Variants in SHISA9 observed in about 807,000 individuals in gnomAD.
SHISA9 encodes the protein shisa family member 9, also known as protein shisa-9.
Under a neutral mutation model 38.0 loss-of-function variants are expected in SHISA9, and 13 were observed. That is an observed-to-expected ratio of 0.34 (90% confidence interval 0.22 to 0.54). The LOEUF (loss-of-function observed/expected upper bound fraction) is 0.54. Ranked by LOEUF, SHISA9 falls within the 20% of genes least tolerant of loss-of-function variation. SHISA9 has a pLI of 0.91. For missense variants in SHISA9, 538 were observed against 575.8 expected (o/e 0.93, Z 0.67); for synonymous variants, 275 against 242.0 (o/e 1.14, Z -1.27).
At chr16:13,024,467 C>G (rs539297103) in intron 2 of SHISA9, among the ~76,000 whole-genome samples, 25 of 152,280 alleles carry the variant, frequency 1.6e-4, no homozygotes, top group African/African-American at 6.0e-4. Flanking sequence ...CTTTTTGGCA[C>G]CTGTGGCCAT....
the SHISA9 span, among the ~76,000 whole-genome samples, chr16:13,439,150 A>G: frequency 6.6e-5 from 10 of 152,366 alleles, no homozygotes; most frequent in East Asian, 7.7e-4. Flanking sequence ...ACATAAGAGC[A>G]AGAGATGGAC....
At chr16:13,016,988 TTTC>T (rs751680393) in intron 2 of SHISA9, among the ~76,000 whole-genome samples, 10 of 152,074 alleles carry the variant, frequency 6.6e-5, no homozygotes, top group South Asian at 6.2e-4. Flanking sequence ...CTCGGGTACC[TTTC>T]TTCTTCTTCT....
the SHISA9 span, among the ~76,000 whole-genome samples, chr16:13,380,157 C>CA: frequency 2.0e-3 from 283 of 144,490 alleles, 1 homozygote; most frequent in Middle Eastern, 6.9e-3. Context: ...TCAGAATCCT[C>CA]AAAAAAAAAT....
chr16:13,438,053 A>G, the SHISA9 span, among the ~76,000 whole-genome samples: 6 of 151,922 alleles, frequency 3.9e-5, no homozygotes, highest in Non-Finnish European at 5.9e-5. Flanking sequence ...TTTAGTAGAG[A>G]TGAGGTTTCA....
At chr16:12,908,434 T>C in intron 1 of SHISA9, 2 of 1,549,496 alleles carry the variant, frequency 1.3e-6, no homozygotes, top group Non-Finnish European at 1.7e-6. Flanking sequence ...CATAAGCTTA[T>C]GTGTAAATTC....
intron 4 of SHISA9, among the ~76,000 whole-genome samples, chr16:13,216,711 A>G (rs1596740212): frequency 6.6e-6 from 1 of 152,188 alleles, no homozygotes. Context: ...GGGAAAAGGA[A>G]GAGGTAGCTG....
the SHISA9 span, among the ~76,000 whole-genome samples, chr16:13,500,283 T>C: frequency 2.0e-5 from 3 of 152,182 alleles, no homozygotes; most frequent in Non-Finnish European, 4.4e-5. Flanking sequence ...CCGCCATGAT[T>C]TTAAGTTTCC....
intron 2 of SHISA9, among the ~76,000 whole-genome samples, chr16:13,170,604 TA>T (rs1364798742): frequency 5.9e-5 from 9 of 152,222 alleles, no homozygotes; most frequent in Non-Finnish European, 1.2e-4. Context: ...CCTATGTAAC[TA>T]ACCTGCACAT....
chr16:13,068,871 G>C (rs986090798), intron 2 of SHISA9, among the ~76,000 whole-genome samples: 1 of 137,044 alleles, frequency 7.3e-6, no homozygotes, highest in Non-Finnish European at 1.5e-5. Flanking sequence ...TGCAATGTGT[G>C]TATGTGTATT....
the SHISA9 span, among the ~76,000 whole-genome samples, chr16:13,503,717 C>T: frequency 6.6e-6 from 1 of 151,584 alleles, no homozygotes. Context: ...CTGTATTTAA[C>T]CCACCACAGA....
chr16:13,510,008 G>A, the SHISA9 span, among the ~76,000 whole-genome samples: 20,753 of 152,032 alleles, frequency 0.14, 1,802 homozygotes, highest in African/African-American at 0.25. Flanking sequence ...ATTATTATTT[G>A]TTAGTGAAAA....
the SHISA9 span, among the ~76,000 whole-genome samples, chr16:13,550,364 A>C: frequency 6.6e-6 from 1 of 152,202 alleles, no homozygotes; most frequent in Admixed American, 6.5e-5. Context: ...GTGCCTCGCC[A>C]CCTCAAACCT....
chr16:13,170,019 A>G lies in SHISA9; in HGVS notation c.692-33375A>G, dbSNP rs558986691. Among the ~76,000 whole-genome samples, 6 of 152,232 alleles carry G rather than the reference A, an allele frequency of 3.9e-5. No individual in the cohort carries two copies. In the South Asian group the frequency reaches 1.0e-3, roughly 26 times the overall value. Reference sequence around the variant, plus strand: ...GGAGTTTGAGACCAGCATGGCCAACATGGCGAAACTCTTTCTCTACTAAAA... The same window carrying G: ...GGAGTTTGAGACCAGCATGGCCAACGTGGCGAAACTCTTTCTCTACTAAAA... On this transcript the variant is annotated intron_variant, in intron 2 of 4. Transcript: ENST00000558583.
At chr16:13,365,454 CT>C in the SHISA9 span, among the ~76,000 whole-genome samples, 88 of 112,504 alleles carry the variant, frequency 7.8e-4, no homozygotes, top group Admixed American at 1.0e-3. Context: ...GAGTATACCT[CT>C]TTTTTTTTTT....
chr16:13,456,281 C>A, the SHISA9 span, among the ~76,000 whole-genome samples: 2 of 152,158 alleles, frequency 1.3e-5, no homozygotes, highest in Non-Finnish European at 2.9e-5. Flanking sequence ...CAACCTGTTT[C>A]CCACTCGAAT....
At chr16:13,508,615 C>A in the SHISA9 span, among the ~76,000 whole-genome samples, 1 of 152,080 alleles carries the variant, frequency 6.6e-6, no homozygotes, top group Non-Finnish European at 1.5e-5. Context: ...CATGTGTCAG[C>A]ATATAAATTA....
chr16:13,296,736 C>T, the SHISA9 span, among the ~76,000 whole-genome samples: 1 of 151,332 alleles, frequency 6.6e-6, no homozygotes, highest in Non-Finnish European at 1.5e-5. Context: ...ACTAAAAATA[C>T]AAAAATTAGC....
chr16:13,361,751 C>A, the SHISA9 span, among the ~76,000 whole-genome samples: 1 of 152,216 alleles, frequency 6.6e-6, no homozygotes. Context: ...TCTCCACTCT[C>A]CTTCTCAGAG....
At chr16:13,047,044 A>G (rs952601898) in intron 2 of SHISA9, among the ~76,000 whole-genome samples, 4 of 152,130 alleles carry the variant, frequency 2.6e-5, no homozygotes, top group East Asian at 3.9e-4. Context: ...GATGGTTAGT[A>G]TGTGGTTCTC....
Sources: gnomAD v4.1 joint callset for allele counts (sites outside exome capture counted in the v4.1 genomes callset) on GRCh38, gnomAD v4.1.1 for gene constraint, MANE v1.5 for transcripts, NCBI Gene and HGNC (gene_info 2026-07-23, HGNC 2026-07-21) for gene names.